Variants in DENND1A observed in about 807,000 individuals in gnomAD.
DENND1A encodes DENN domain containing 1A, also known as DENN domain-containing protein 1A.
In DENND1A, 51 loss-of-function variants were observed where a neutral mutation model predicts 113.7. The observed-to-expected ratio is 0.45, with a 90% confidence interval of 0.36 to 0.57. DENND1A has a LOEUF of 0.57. Ranked by LOEUF, DENND1A falls within the 20% of genes least tolerant of loss-of-function variation. The probability of loss-of-function intolerance (pLI) is 0.00; values close to 1 mark genes in which losing one functional copy is unlikely to be tolerated. For synonymous variants in DENND1A, 565 were observed against 570.8 expected (o/e 0.99, Z 0.14); for missense variants, 1,258 against 1,395.9 (o/e 0.90, Z 1.57).
At chr9:123,892,996 T>G (rs1460840576) in intron 1 of DENND1A, among the ~76,000 whole-genome samples, 1 of 150,796 alleles carries the variant, frequency 6.6e-6, no homozygotes, top group African/African-American at 2.4e-5. Flanking sequence ...ATAATAAGAA[T>G]AATAATAATA....
chr9:123,647,148 C>T (rs2062382140), intron 9 of DENND1A, among the ~76,000 whole-genome samples: 1 of 152,052 alleles, frequency 6.6e-6, no homozygotes, highest in Non-Finnish European at 1.5e-5. Context: ...GAGCTTTGTA[C>T]CTTCTTTTTA....
At chr9:123,927,757 T>C (rs979245771) in intron 1 of DENND1A, among the ~76,000 whole-genome samples, 8 of 152,134 alleles carry the variant, frequency 5.3e-5, no homozygotes, top group Admixed American at 3.9e-4. Context: ...TCCAAGACTG[T>C]CCTATTCAAT....
chr9:123,838,928 C>A (rs1276513377), intron 2 of DENND1A, among the ~76,000 whole-genome samples: 3 of 152,156 alleles, frequency 2.0e-5, no homozygotes, highest in Non-Finnish European at 4.4e-5. Flanking sequence ...TAGAAATAAT[C>A]TTTTTAGGTG....
chr9:123,872,171 A>C lies in DENND1A; in HGVS notation c.88+6780T>G, dbSNP rs183391134. On this transcript the variant is annotated intron_variant, in intron 2 of 23. Coordinates refer to ENST00000394215, the MANE Select transcript of DENND1A (RefSeq NM_001352964.2). ...TTGGAGTCACAAAATGAAGTGTGGC[A>C]AAAAAAAATAAGCATACAAAAATTA... 2.4e-3 allele frequency among the ~76,000 whole-genome samples: 370 copies of C among 151,474 alleles called. 1 individual carries two copies. The highest frequency in any genetic ancestry group is 4.6e-3 in the Non-Finnish European group (311 of 67,798).
chr9:123,440,386 G>C lies in DENND1A; in HGVS notation c.1462C>G (p.Arg488Gly). The C allele has an allele frequency of 6.2e-7, 1 of 1,601,144 alleles. No homozygotes were observed. The highest frequency in any genetic ancestry group is 1.1e-5 in the South Asian group (1 of 89,596). ...AKDPKLREDRRPITVHFGQLQ... is the reference protein window; with the variant it reads ...AKDPKLREDRGPITVHFGQLQ... ...TGTCCAAAGTGGACTGTGATTGGCC[G>C]CCGGTCTTCTCGGAGCTTGGGGTCC... The change falls in exon 19 of 24, where the codon CGG becomes GGG. Residue 488 changes from arginine (R) to glycine (G), a missense_variant. Physicochemically the swap from Arg to Gly is moderately radical, Grantham distance 125. Coordinates refer to ENST00000394215, the MANE Select transcript of DENND1A (RefSeq NM_001352964.2).
At chr9:123,573,328 C>T (rs2058459521) in intron 12 of DENND1A, among the ~76,000 whole-genome samples, 1 of 152,032 alleles carries the variant, frequency 6.6e-6, no homozygotes, top group Non-Finnish European at 1.5e-5. Context: ...AGAAAGCCAT[C>T]TGGAATTTGG....
chr9:123,519,918 G>C (rs1177670140), intron 13 of DENND1A, among the ~76,000 whole-genome samples: 1 of 152,050 alleles, frequency 6.6e-6, no homozygotes, highest in East Asian at 1.9e-4. Context: ...TCAGCACTTT[G>C]GGAGGCTGAG....
chr9:123,881,007 A>C (rs1848240823), intron 1 of DENND1A, among the ~76,000 whole-genome samples: 1 of 152,206 alleles, frequency 6.6e-6, no homozygotes, highest in South Asian at 2.1e-4. Context: ...TCAGGAATCT[A>C]CTTATTTCGG....
intron 5 of DENND1A, among the ~76,000 whole-genome samples, chr9:123,742,093 C>T (rs1029273117): frequency 7.9e-5 from 12 of 152,344 alleles, no homozygotes; most frequent in East Asian, 1.9e-4. Context: ...AGCGCCCCAA[C>T]GCTGTTTGTC....
At chr9:123,602,449 T>C (rs1211074121) in intron 11 of DENND1A, among the ~76,000 whole-genome samples, 1 of 152,212 alleles carries the variant, frequency 6.6e-6, no homozygotes, top group Non-Finnish European at 1.5e-5. Context: ...CAATTGTATG[T>C]TACCTCTCAG....
intron 2 of DENND1A, among the ~76,000 whole-genome samples, chr9:123,861,887 T>C (rs1845107904): frequency 6.6e-6 from 1 of 152,176 alleles, no homozygotes; most frequent in South Asian, 2.1e-4. Flanking sequence ...AATGCTGCCA[T>C]TTTCTAAGCA....
chr9:123,591,356 A>G (rs2059446866), intron 11 of DENND1A, among the ~76,000 whole-genome samples: 1 of 152,370 alleles, frequency 6.6e-6, no homozygotes, highest in South Asian at 2.1e-4. Context: ...ACAAGATGAA[A>G]GGCAAGGGTG....
chr9:123,660,794 T>C (rs1293169256), intron 8 of DENND1A, among the ~76,000 whole-genome samples: 1 of 152,222 alleles, frequency 6.6e-6, no homozygotes, highest in Non-Finnish European at 1.5e-5. Flanking sequence ...GAATTAGTAA[T>C]GGAACAAAGA....
intron 13 of DENND1A, among the ~76,000 whole-genome samples, chr9:123,493,325 TG>T (rs572055091): frequency 2.5e-4 from 38 of 152,228 alleles, no homozygotes; most frequent in African/African-American, 8.9e-4. Context: ...GGGGGAGACT[TG>T]GTTTCTTTGT....
At chr9:123,394,769 G>A (rs763567123) in intron 21 of DENND1A, among the ~76,000 whole-genome samples, 65 of 152,212 alleles carry the variant, frequency 4.3e-4, no homozygotes, top group Non-Finnish European at 6.5e-4. Context: ...GATGGGGCTG[G>A]GAATGCCTTG....
At chr9:123,855,427 C>T (rs1299321684) in intron 2 of DENND1A, among the ~76,000 whole-genome samples, 1 of 151,830 alleles carries the variant, frequency 6.6e-6, no homozygotes, top group Non-Finnish European at 1.5e-5. Flanking sequence ...GGAAATAAAC[C>T]AGGAAAATAG....
intron 13 of DENND1A, among the ~76,000 whole-genome samples, chr9:123,484,898 G>A (rs2050662801): frequency 6.6e-6 from 1 of 152,150 alleles, no homozygotes; most frequent in Non-Finnish European, 1.5e-5. Context: ...GTGGCACCTG[G>A]GGCAAGTGAC....
At chr9:123,820,985 T>C (rs934403997) in intron 2 of DENND1A, among the ~76,000 whole-genome samples, 6 of 152,226 alleles carry the variant, frequency 3.9e-5, no homozygotes, top group Non-Finnish European at 7.3e-5. Context: ...AAGCATACCA[T>C]TGAAAAAATA....
chr9:123,408,041 C>T (rs2044017450), intron 20 of DENND1A, among the ~76,000 whole-genome samples: 1 of 152,158 alleles, frequency 6.6e-6, no homozygotes. Context: ...AACATCTGAA[C>T]TCCAGCCACA....
Sources: gnomAD v4.1 joint callset for allele counts (sites outside exome capture counted in the v4.1 genomes callset) on GRCh38, gnomAD v4.1.1 for gene constraint, MANE v1.5 for transcripts, NCBI Gene and HGNC (gene_info 2026-07-23, HGNC 2026-07-21) for gene names.